Variants in PDLIM3 observed in about 807,000 individuals in gnomAD.
PDLIM3 encodes PDZ and LIM domain 3.
PDLIM3 carries 36 observed loss-of-function variants against 37.3 expected under a neutral mutation model. The ratio of observed to expected loss-of-function variants is 0.97; its 90% CI spans 0.74 to 1.28. The LOEUF is 1.28. PDLIM3 is among the 50% of genes most tolerant of loss of function. PDLIM3 has a pLI of 0.00. For synonymous variants in PDLIM3, 174 were observed against 182.4 expected (o/e 0.95, Z 0.37); for missense variants, 454 against 485.0 (o/e 0.94, Z 0.60).
Position 185,510,198 on chromosome 4 carries a change from T to G in PDLIM3, c.399-1636A>C, listed in dbSNP as rs1403927851. Among the ~76,000 whole-genome samples the G allele has an allele frequency of 2.0e-5, 3 of 152,114 alleles. No homozygotes were observed. In the East Asian group the frequency reaches 5.8e-4, roughly 29 times the overall value. ...CAGGATCATGTGGATTTAACCTGAG[T>G]GTAATGAAGCTTATGAAATCAGTTT... On this transcript the variant is annotated intron_variant, in intron 4 of 7. Transcript: ENST00000284767.
In PDLIM3 at chr4:185,506,573, G is replaced by A. The variant is rs755863715; in HGVS notation, c.742C>T (p.Arg248Cys). The A allele has an allele frequency of 3.1e-6, 5 of 1,613,132 alleles. No homozygotes were observed. The highest frequency in any genetic ancestry group is 3.3e-5 in the Admixed American group (2 of 60,010). Reference protein sequence around the residue: ...HDNRNEPTQPRQSGSFRVLQG... With the variant: ...HDNRNEPTQPCQSGSFRVLQG... ...AGCACTCTGAAGGAGCCCGACTGGC[G>A]AGGCTGTGTGGGCTCATTCCGATTG... The change falls in exon 6 of 8, where the codon CGC (arginine) becomes TGC (cysteine). Residue 248 changes from arginine to cysteine, a missense_variant. Physicochemically the swap from Arg to Cys is radical, Grantham distance 180. Coordinates refer to ENST00000284767, the MANE Select transcript of PDLIM3 (RefSeq NM_014476.6).
chr4:185,530,991 CACACA>C (rs2095743429), intron 1 of PDLIM3, among the ~76,000 whole-genome samples: 1 of 148,602 alleles, frequency 6.7e-6, no homozygotes, highest in Non-Finnish European at 1.5e-5. Context: ...CACACACATA[CACACA>C]CACACACACA....
In PDLIM3 at chr4:185,525,094, T is replaced by C; in HGVS notation, c.171A>G (p.Thr57=). 13 of 1,614,188 alleles carry C rather than the reference T, an allele frequency of 8.1e-6. No individual in the cohort carries two copies. Among genetic ancestry groups the C allele is most frequent in the Non-Finnish European group, 1.1e-5 (13 of 1,179,986 alleles). Residue 57 remains threonine (T), a synonymous_variant, in exon 2 of 8, where the codon ACA becomes ACG. Transcript: ENST00000284767. ...DVILAIDGFG[T]ESMTHADAQD... is the part of the protein sequence containing the mutation. The stretch of plus-strand genomic sequence containing the variant: ...GCGCATCAGCATGAGTCATGGACTC[T>C]GTCCCAAAGCCGTCAATAGCCAGGA...
intron 1 of PDLIM3, among the ~76,000 whole-genome samples, chr4:185,527,804 C>A (rs1052930887): frequency 5.9e-5 from 9 of 152,134 alleles, no homozygotes; most frequent in African/African-American, 2.2e-4. Context: ...AATCCCAGTG[C>A]TTTGGGAGGC....
Position 185,523,392 on chromosome 4 carries a change from AG to A in PDLIM3, c.299del (p.Pro100LeufsTer6), listed in dbSNP as rs1348448665. 1 of 1,611,974 alleles carries A rather than the reference AG, an allele frequency of 6.2e-7. No homozygotes were observed. The highest frequency in any genetic ancestry group is 1.1e-5 in the South Asian group (1 of 91,006). On this transcript the variant is annotated frameshift_variant, in exon 3 of 8. Coordinates refer to ENST00000284767, the MANE Select transcript of PDLIM3 (RefSeq NM_014476.6). LOFTEE classifies it high-confidence loss of function. ...PQVSEDGKAH[P>X]FKINLESEPQ... Reference sequence around the variant, plus strand: ...GTTCTGATTCTAAGTTGATTTTGAAAGGATGGGCTTTCCCATCTTCAGATAC... The same window carrying A: ...GTTCTGATTCTAAGTTGATTTTGAAAGATGGGCTTTCCCATCTTCAGATAC...
At chr4:185,502,885 T>C (rs1471891064) in intron 7 of PDLIM3, among the ~76,000 whole-genome samples, 1 of 152,152 alleles carries the variant, frequency 6.6e-6, no homozygotes, top group Non-Finnish European at 1.5e-5. Flanking sequence ...TCTCTCTGAT[T>C]GCTTTCCGTC....
At chr4:185,533,336 TTTTCC>T (rs1357863728) in intron 1 of PDLIM3, among the ~76,000 whole-genome samples, 1 of 152,204 alleles carries the variant, frequency 6.6e-6, no homozygotes, top group Non-Finnish European at 1.5e-5. Context: ...CTTTTTATTC[TTTTCC>T]TTAACAAATT....
At position 185,511,443 on chromosome 4, in the gene PDLIM3, C is replaced by A. The variant is rs141175012; in HGVS notation, c.398+2827G>T. ...GTGGTGCAATCTTGGCTCACCGCAA[C>A]CTCTGCCTCCAGCTTCAAGTGATTC... On this transcript the variant is annotated intron_variant, in intron 4 of 7. Coordinates refer to ENST00000284767, the MANE Select transcript of PDLIM3 (RefSeq NM_014476.6). 6.5e-3 allele frequency among the ~76,000 whole-genome samples: 981 copies of A among 152,010 alleles called. 6 individuals carry two copies. Among genetic ancestry groups the A allele is most frequent in the African/African-American group, 0.022 (903 of 41,466 alleles).
chr4:185,515,368 A>C (rs28522537), intron 3 of PDLIM3: 7,431 of 152,334 alleles, frequency 0.049, 615 homozygotes, highest in African/African-American at 0.17. Flanking sequence ...ATGAGCATTT[A>C]CGAATAATTA....
rs1292737705 is a variant in PDLIM3, at chr4:185,521,729, A to G, written c.330+1633T>C. ...AAGATTACTTTCCATGCAACAGCTG[A>G]GAGTGATGGCAGAACACCATTTTGA... On this transcript the variant is annotated intron_variant, in intron 3 of 7. Transcript: ENST00000284767. Among the ~76,000 whole-genome samples the G allele has an allele frequency of 3.0e-5, 2 of 65,984 alleles. 1 individual carries two copies. The highest frequency in any genetic ancestry group is 1.2e-4 in the Non-Finnish European group (2 of 16,002). 43.3% of individuals were successfully genotyped at this position (65,984 alleles called of 152,430 possible).
At chr4:185,532,643 T>C (rs969841767) in intron 1 of PDLIM3, among the ~76,000 whole-genome samples, 1 of 151,970 alleles carries the variant, frequency 6.6e-6, no homozygotes, top group African/African-American at 2.4e-5. Context: ...AGGAAAGAAA[T>C]GAAGTTAGCA....
chr4:185,513,712 T>C, intron 4 of PDLIM3: 1 of 1,014,420 alleles, frequency 9.9e-7, no homozygotes, highest in Non-Finnish European at 1.2e-6. Context: ...AGAGGTTTCC[T>C]GAAGTCACTG....
At chr4:185,502,558 G>A in intron 7 of PDLIM3, 75 bp from the exon 8 acceptor site, 1 of 1,343,820 alleles carries the variant, frequency 7.4e-7, no homozygotes, top group Admixed American at 1.7e-5. Context: ...GAACCCAACA[G>A]AGAAGGCAGA....
chr4:185,529,967 C>G (rs534602533), intron 1 of PDLIM3, among the ~76,000 whole-genome samples: 8 of 152,310 alleles, frequency 5.3e-5, no homozygotes, highest in African/African-American at 1.7e-4. Flanking sequence ...TTTGACCATA[C>G]TTTTCTTGTG....
At chr4:185,505,626 G>GAAA (rs56912630) in intron 6 of PDLIM3, among the ~76,000 whole-genome samples, 4 of 147,776 alleles carry the variant, frequency 2.7e-5, no homozygotes, top group East Asian at 2.0e-4. Flanking sequence ...TCTCAAAAAA[G>GAAA]AAAAAAAAAA....
Position 185,514,812 on chromosome 4 carries a change from G to A in PDLIM3, c.331-475C>T. 6.4e-7 allele frequency: 1 copy of A among 1,551,722 alleles called. No homozygotes were observed. Among genetic ancestry groups the A allele is most frequent in the South Asian group, 1.2e-5 (1 of 84,052 alleles). On this transcript the variant is annotated intron_variant, in intron 3 of 7. Coordinates refer to ENST00000284767, the MANE Select transcript of PDLIM3 (RefSeq NM_014476.6). The surrounding 1 kb of genome is among the most constrained non-coding windows in gnomAD (Gnocchi z 4.0). ...GAGTTATAGGAAGCGCTCACTACCT[G>A]TCTTTTGTCATCAATGTTTGCAGCT...
Position 185,502,396 on chromosome 4 carries a change from G to A in PDLIM3, c.993C>T (p.Gly331=), listed in dbSNP as rs139493914. 6.2e-7 allele frequency: 1 copy of A among 1,614,196 alleles called. No individual in the cohort carries two copies. Among genetic ancestry groups the A allele is most frequent in the East Asian group, 2.2e-5 (1 of 44,880 alleles). The change falls in exon 8 of 8, where the codon GGC becomes GGT. Residue 331 remains glycine, a synonymous_variant. Transcript: ENST00000284767. ...ACAGCTCCCCTTCTATGAAGAAGTA[G>A]CCCTTTTGCTTGAGGTTGAGGTTGC... ...ADCNLNLKQK[G]YFFIEGELYC...
intron 4 of PDLIM3, among the ~76,000 whole-genome samples, chr4:185,511,677 A>G (rs1045452622): frequency 6.6e-5 from 10 of 152,188 alleles, no homozygotes; most frequent in Admixed American, 6.5e-4. Context: ...TGTCCAACTT[A>G]CTTTTGATTA....
At chr4:185,513,711 C>T (rs2095710288) in intron 4 of PDLIM3, 2 of 1,013,302 alleles carry the variant, frequency 2.0e-6, no homozygotes. Flanking sequence ...CAGAGGTTTC[C>T]TGAAGTCACT....
Sources: gnomAD v4.1 joint callset for allele counts (sites outside exome capture counted in the v4.1 genomes callset) on GRCh38, gnomAD v4.1.1 for gene constraint, Gnocchi (gnomAD v3.1) non-coding constraint, MANE v1.5 for transcripts, NCBI Gene and HGNC (gene_info 2026-07-23, HGNC 2026-07-21) for gene names.